The following TACC2 variants were observed in gnomAD, a reference collection of about 807,000 sequenced individuals.
TACC2 encodes the protein transforming acidic coiled-coil-containing protein 2.
A neutral mutation model predicts 227.3 loss-of-function variants in TACC2; 137 were observed. The observed-to-expected ratio is 0.60, with a 90% CI of 0.52 to 0.69. TACC2 has a LOEUF of 0.69. TACC2 is among the 30% of genes least tolerant of loss of function. The pLI, the probability that TACC2 is intolerant of heterozygous loss-of-function variation, is 0.00. For missense variants in TACC2, 3,470 were observed against 3,694.4 expected, an observed-to-expected ratio of 0.94 and a Z score of 1.57; for synonymous variants, 1,523 against 1,487.5, an observed-to-expected ratio of 1.02 and a Z score of -0.55.
intron 7 of TACC2, among the ~76,000 whole-genome samples, chr10:122,187,623 T>C (rs1753843797): frequency 6.6e-6 from 1 of 152,082 alleles, no homozygotes; most frequent in Admixed American, 6.6e-5. Context: ...CGTGAGTAGC[T>C]GGAATTACAG....
At chr10:122,081,614 A>G (rs1347383266) in intron 3 of TACC2, among the ~76,000 whole-genome samples, 1 of 152,004 alleles carries the variant, frequency 6.6e-6, no homozygotes. Context: ...GCCATTTTAT[A>G]ATAACTGGAT....
chr10:122,054,722 T>A (rs1229277816), intron 3 of TACC2, among the ~76,000 whole-genome samples: 1 of 151,958 alleles, frequency 6.6e-6, no homozygotes, highest in Non-Finnish European at 1.5e-5. Flanking sequence ...AGGCAGGGAG[T>A]GACCTTGAGT....
rs747723437 is a variant in TACC2 at position 122,211,499 on chromosome 10, G to A, written c.7074G>A (p.Glu2358=). The part of the protein sequence containing the change: ...NPFSSTSKMQ[E]SPKLPQQSYN... ...TTTCTTCCACCTCAAAAATGCAGGA[G>A]TCTCCCAAACTGCCCCAACAATCAT... Residue 2358 remains glutamate, a synonymous_variant, in exon 9 of 23, where the codon GAG becomes GAA. Coordinates refer to ENST00000369005, the MANE Select transcript of TACC2 (RefSeq NM_206862.4). 5.0e-6 allele frequency: 8 copies of A among 1,613,762 alleles called. No homozygotes were observed. Among genetic ancestry groups the A allele is most frequent in the Non-Finnish European group, 6.8e-6 (8 of 1,179,974 alleles).
chr10:122,078,593 G>C (rs73370111), intron 3 of TACC2, among the ~76,000 whole-genome samples: 1,554 of 152,326 alleles, frequency 0.01, 21 homozygotes, highest in African/African-American at 0.036. Flanking sequence ...AGGGTGAAAG[G>C]CTTCCATTCG....
intron 5 of TACC2, among the ~76,000 whole-genome samples, chr10:122,112,016 C>T (rs554703361): frequency 7.2e-5 from 11 of 152,260 alleles, no homozygotes; most frequent in African/African-American, 2.6e-4. Flanking sequence ...CAGTAACAGT[C>T]TATTTCTTTA....
intron 5 of TACC2, among the ~76,000 whole-genome samples, chr10:122,090,887 G>A (rs2080740337): frequency 6.6e-6 from 1 of 152,100 alleles, no homozygotes; most frequent in Admixed American, 6.6e-5. Context: ...GACTACAGGT[G>A]TGCACCACCA....
rs11200367 is a variant in TACC2 at position 122,050,545 on chromosome 10, G to C, written c.141G>C (p.Ala47=). The change falls in exon 3 of 23, where the codon GCG becomes GCC. Residue 47 remains alanine (A), a synonymous_variant. Transcript: ENST00000369005. This position sits in a 1 kb window ranked among gnomAD's most constrained non-coding sequence, Gnocchi z 4.6. ...CCGGAAGCCCTGACCACAGAGACGCGTCCAGGTAGGAGGCCAGCTCTGGAG... is the reference window on the plus strand; with the variant it reads ...CCGGAAGCCCTGACCACAGAGACGCCTCCAGGTAGGAGGCCAGCTCTGGAG... ...DTPGSPDHRD[A]SSIGSVGLGG... 5 of 1,612,718 alleles carry C rather than the reference G, an allele frequency of 3.1e-6. No individual in the cohort carries two copies. Among genetic ancestry groups the C allele is most frequent in the Non-Finnish European group, 4.2e-6 (5 of 1,179,302 alleles).
At position 122,015,294 on chromosome 10, in the gene TACC2, C is replaced by T. The variant is rs576114677; in HGVS notation, c.-45-6643C>T. ...CCGAGGTGGGGGGATCACCTGAGGTCAGGAGGTCGAGACCAGCCTGCCCAA... is the reference window on the plus strand; with the variant it reads ...CCGAGGTGGGGGGATCACCTGAGGTTAGGAGGTCGAGACCAGCCTGCCCAA... On this transcript the variant is annotated intron_variant, in intron 1 of 22. Transcript: ENST00000369005. Among the ~76,000 whole-genome samples the T allele has an allele frequency of 2.6e-5, 4 of 152,184 alleles. No homozygotes were observed. The South Asian group carries it at 8.3e-4, about 32-fold the overall frequency.
At chr10:122,188,310 C>T (rs529562647) in intron 7 of TACC2, among the ~76,000 whole-genome samples, 36 of 152,206 alleles carry the variant, frequency 2.4e-4, no homozygotes, top group South Asian at 2.1e-4. Context: ...GATAGAGTCT[C>T]GCCCTATCAT....
At chr10:122,015,117 A>T (rs1047209264) in intron 1 of TACC2, among the ~76,000 whole-genome samples, 32 of 151,484 alleles carry the variant, frequency 2.1e-4, no homozygotes, top group African/African-American at 7.6e-4. Context: ...AAAAAAAAAA[A>T]AAAAGGACAA....
chr10:122,251,614 T>G (rs998234680), intron 22 of TACC2, among the ~76,000 whole-genome samples: 1 of 152,188 alleles, frequency 6.6e-6, no homozygotes, highest in Non-Finnish European at 1.5e-5. Context: ...GTGGGAGGAC[T>G]GCTGGAGCCC....
At position 122,216,778 on chromosome 10, in the gene TACC2, C is replaced by T. The variant is rs755658158; in HGVS notation, c.7496C>T (p.Ser2499Leu). ...EADKQDYPQP[S>L]DLSTFVNETK... ...GACAAACAGGACTACCCGCAGCCCT[C>T]GGACCTGTCCACCTTTGTAAACGAG... is the stretch of plus-strand genomic sequence containing the variant. The change falls in exon 11 of 23, where the codon TCG becomes TTG. Residue 2499 changes from serine to leucine, a missense_variant. By Grantham distance (145) the Ser-to-Leu change is moderately radical. This residue lies in a region of TACC2 where 345 missense variants were observed against 354.4 expected (regional missense o/e 0.97). Coordinates refer to ENST00000369005, the MANE Select transcript of TACC2 (RefSeq NM_206862.4). 2.5e-5 allele frequency: 40 copies of T among 1,613,998 alleles called. No individual in the cohort carries two copies. Among genetic ancestry groups the T allele is most frequent in the South Asian group, 4.4e-5 (4 of 91,060 alleles).
intron 7 of TACC2, among the ~76,000 whole-genome samples, chr10:122,186,335 C>T (rs185293422): frequency 7.9e-5 from 12 of 152,062 alleles, no homozygotes; most frequent in African/African-American, 2.9e-4. Context: ...GCAGGAGGGT[C>T]GTTTGAGACC....
Position 122,022,031 on chromosome 10 carries a change from T to TTC in TACC2, c.33+24_33+25dup, listed in dbSNP as rs935031567. The TTC allele has an allele frequency of 6.2e-7, 1 of 1,613,914 alleles. No homozygotes were observed. The highest frequency in any genetic ancestry group is 1.3e-5 in the African/African-American group (1 of 74,906). On this transcript the variant is annotated intron_variant, in intron 2 of 22. Transcript: ENST00000369005. Reference sequence around the variant, plus strand: ...GACAACCAGGTGGGTGTCAGGAAGCTTCTCTCTCGAGCTACGTGGTGCTCT... The same window carrying TTC: ...GACAACCAGGTGGGTGTCAGGAAGCTTCTCTCTCTCGAGCTACGTGGTGCTCT...
intron 19 of TACC2, chr10:122,247,214 A>C (rs1217711629): frequency 6.6e-6 from 1 of 152,324 alleles, no homozygotes; most frequent in Non-Finnish European, 1.5e-5. Context: ...CACCTAGAGC[A>C]ATCAGCAGGG....
rs2080230361 is a variant in TACC2 at position 122,087,631 on chromosome 10, C to T, written c.5131C>T (p.Leu1711=). The stretch of plus-strand genomic sequence containing the variant: ...TGGGGAAGCAGAGGGTGACATCACC[C>T]TGAGCACAGCTGAGACACAGGCATG... The part of the protein sequence containing the change: ...AAGEAEGDIT[L]STAETQACAS... The change falls in exon 4 of 23, where the codon CTG becomes TTG. Residue 1711 remains leucine (L), a synonymous_variant. Coordinates refer to ENST00000369005, the MANE Select transcript of TACC2 (RefSeq NM_206862.4). The T allele has an allele frequency of 1.2e-6, 2 of 1,613,354 alleles. No homozygotes were observed. The highest frequency in any genetic ancestry group is 1.3e-5 in the African/African-American group (1 of 74,958).
intron 5 of TACC2, chr10:122,127,026 C>G (rs2087013163): frequency 6.5e-6 from 1 of 153,324 alleles, no homozygotes; most frequent in African/African-American, 2.4e-5. Context: ...CACTGCCTTG[C>G]CTCTTCTGCC....
intron 7 of TACC2, among the ~76,000 whole-genome samples, chr10:122,182,068 T>G (rs578051738): frequency 6.6e-6 from 1 of 152,334 alleles, no homozygotes; most frequent in South Asian, 2.1e-4. Context: ...GTTTGCTCAC[T>G]TTATTTCTAT....
At chr10:122,037,159 A>T (rs1960673515) in intron 2 of TACC2, among the ~76,000 whole-genome samples, 1 of 152,238 alleles carries the variant, frequency 6.6e-6, no homozygotes, top group Non-Finnish European at 1.5e-5. Flanking sequence ...ATAGTGTAAC[A>T]GGTATGGGAG....
Sources: allele counts gnomAD v4.1 joint callset (sites outside exome capture counted in the v4.1 genomes callset), GRCh38; gene constraint gnomAD v4.1.1; regional missense constraint gnomAD v4.1.1; non-coding constraint Gnocchi (gnomAD v3.1); transcripts MANE v1.5; gene names NCBI Gene and HGNC (gene_info 2026-07-23, HGNC 2026-07-21).